Variants in ITPR2 observed in about 807,000 individuals in gnomAD.
The protein encoded by ITPR2 is inositol 1,4,5-trisphosphate receptor type 2, also known as inositol 1,4,5-trisphosphate-gated calcium channel ITPR2.
Under a neutral mutation model 317.1 loss-of-function variants are expected in ITPR2, and 207 were observed. That is an observed-to-expected ratio of 0.65 (90% CI 0.58 to 0.73). The LOEUF is 0.73. Among genes scored for constraint, ITPR2 ranks in the 30% least tolerant of loss-of-function variants. The probability of loss-of-function intolerance (pLI) is 0.00; values close to 1 mark genes in which losing one functional copy is unlikely to be tolerated. For synonymous variants in ITPR2, 1,156 were observed against 1,149.1 expected, an observed-to-expected ratio of 1.01 and a Z score of -0.12; for missense variants, 2,613 against 3,284.0, an observed-to-expected ratio of 0.80 and a Z score of 4.99.
chr12:26,715,190 A>G (rs1284346633), intron 8 of ITPR2, 109 bp downstream of exon 8: 2 of 1,029,756 alleles, frequency 1.9e-6, no homozygotes, highest in Non-Finnish European at 2.8e-6. Context: ...AAATTATTCT[A>G]TTTTATGATT....
chr12:26,639,405 G>T (rs1290723386), intron 21 of ITPR2, among the ~76,000 whole-genome samples: 2 of 152,078 alleles, frequency 1.3e-5, no homozygotes, highest in African/African-American at 4.8e-5. Flanking sequence ...AATGGGTGTT[G>T]CATGAAGATA....
chr12:26,516,250 A>AGGAAGGGAAAGGAAGGGAAG (rs1565574406), intron 37 of ITPR2, among the ~76,000 whole-genome samples: 2 of 34,666 alleles, frequency 5.8e-5, no homozygotes, highest in Admixed American at 2.9e-4. Flanking sequence ...AGGAAAGGAA[A>AGGAAGGGAAAGGAAGGGAAG]GGAAAGGAAA....
In ITPR2 at chr12:26,428,105, A is replaced by G; in HGVS notation, c.6770-17T>C. On this transcript the variant is annotated splice_polypyrimidine_tract_variant and intron_variant, in intron 48 of 56. Coordinates refer to ENST00000381340, the MANE Select transcript of ITPR2 (RefSeq NM_002223.4). The stretch of plus-strand genomic sequence containing the variant: ...AAAGTGTACCTGTAAAATGTGGAAG[A>G]AATTTATTGCTACTAAGAATAAAAC... 6.4e-7 allele frequency: 1 copy of G among 1,562,946 alleles called. No homozygotes were observed. Among genetic ancestry groups the G allele is most frequent in the Non-Finnish European group, 8.6e-7 (1 of 1,157,234 alleles).
intron 21 of ITPR2, among the ~76,000 whole-genome samples, chr12:26,639,220 A>G (rs371427989): frequency 9.2e-5 from 14 of 152,312 alleles, no homozygotes; most frequent in East Asian, 5.8e-4. Context: ...GTGCAGCTCA[A>G]CAAGCAACAG....
intron 28 of ITPR2, among the ~76,000 whole-genome samples, 172 bp downstream of exon 28, chr12:26,602,198 G>C (rs1369140424): frequency 2.0e-5 from 3 of 152,160 alleles, no homozygotes. Context: ...TGACATGGTA[G>C]TGTACCCTTG....
intron 3 of ITPR2, 62 bp downstream of exon 3, chr12:26,725,588 A>G: frequency 9.1e-7 from 1 of 1,097,638 alleles, no homozygotes. Context: ...AGCTCTAAAT[A>G]CATTTTTATT....
chr12:26,478,281 AG>A, intron 43 of ITPR2, among the ~76,000 whole-genome samples: 1 of 152,254 alleles, frequency 6.6e-6, no homozygotes, highest in Middle Eastern at 3.4e-3. Flanking sequence ...TTTGGAGGAA[AG>A]GGAGTATTAT....
chr12:26,604,516 C>G (rs1249038731), intron 26 of ITPR2, among the ~76,000 whole-genome samples: 1 of 152,188 alleles, frequency 6.6e-6, no homozygotes, highest in Non-Finnish European at 1.5e-5. Flanking sequence ...TCTTGTAAAA[C>G]AGCAGTTTCT....
intron 26 of ITPR2, among the ~76,000 whole-genome samples, chr12:26,611,148 T>C (rs773820794): frequency 6.6e-6 from 1 of 152,170 alleles, no homozygotes; most frequent in East Asian, 1.9e-4. Flanking sequence ...CCCATAGAAA[T>C]TGGACTGTCT....
At position 26,419,123 on chromosome 12, in the gene ITPR2, A is replaced by G; in HGVS notation, c.7036T>C (p.Phe2346Leu). Residue 2346 changes from phenylalanine to leucine, a missense_variant, in exon 50 of 57, where the codon TTT becomes CTT. Physicochemically the swap from Phe to Leu is conservative, Grantham distance 22. Around this residue, in one of 9 missense-constraint regions of ITPR2, gnomAD observed 78 missense variants for 110.3 expected, o/e 0.71. Coordinates refer to ENST00000381340, the MANE Select transcript of ITPR2 (RefSeq NM_002223.4). ...GYRAVILDMA[F>L]LYHVAYVLVC... ...AGGACATACGCCACGTGATAGAGAA[A>G]GGCCATATCCAGGATGACTGCTCGG... 1 of 1,613,884 alleles carries G rather than the reference A, an allele frequency of 6.2e-7. No homozygotes were observed. The highest frequency in any genetic ancestry group is 8.5e-7 in the Non-Finnish European group (1 of 1,179,860).
intron 37 of ITPR2, among the ~76,000 whole-genome samples, chr12:26,513,801 G>A (rs55647086): frequency 0.017 from 2,500 of 150,502 alleles, 65 homozygotes; most frequent in African/African-American, 0.058. Flanking sequence ...TTTTTCCCCC[G>A]CCGTGGTAGT....
At chr12:26,444,804 G>A (rs1461530546) in intron 45 of ITPR2, among the ~76,000 whole-genome samples, 2 of 152,030 alleles carry the variant, frequency 1.3e-5, no homozygotes, top group Non-Finnish European at 2.9e-5. Flanking sequence ...TGATAATTTG[G>A]TAAGTTAAAT....
At chr12:26,725,079 T>G (rs1948897773) in intron 3 of ITPR2, among the ~76,000 whole-genome samples, 1 of 152,166 alleles carries the variant, frequency 6.6e-6, no homozygotes, top group African/African-American at 2.4e-5. Context: ...CTTGGGCCAC[T>G]TTTATGTTGG....
chr12:26,403,020 G>C (rs778758690), intron 52 of ITPR2, among the ~76,000 whole-genome samples: 17 of 152,304 alleles, frequency 1.1e-4, no homozygotes, highest in Admixed American at 2.6e-4. Context: ...AGTATCACAG[G>C]ATGCTGCGGA....
At chr12:26,525,298 T>A (rs1193502323) in intron 37 of ITPR2, among the ~76,000 whole-genome samples, 1 of 152,204 alleles carries the variant, frequency 6.6e-6, no homozygotes, top group East Asian at 1.9e-4. Context: ...CTATAACAAC[T>A]TCCTTTGAAT....
At chr12:26,658,164 G>C in intron 16 of ITPR2, 34 bp from the exon 17 acceptor site, 3 of 1,436,328 alleles carry the variant, frequency 2.1e-6, no homozygotes, top group Non-Finnish European at 2.8e-6. Context: ...GGAATATGAA[G>C]ACAAAGCATT....
chr12:26,491,183 T>G (rs140775888), intron 39 of ITPR2, among the ~76,000 whole-genome samples: 1 of 151,960 alleles, frequency 6.6e-6, no homozygotes, highest in East Asian at 1.9e-4. Flanking sequence ...GAATAGCATG[T>G]TTTTGGAAAG....
chr12:26,475,436 G>C lies in ITPR2; in HGVS notation c.6220-18C>G, dbSNP rs1359585861. On this transcript the variant is annotated intron_variant, in intron 44 of 56. Coordinates refer to ENST00000381340, the MANE Select transcript of ITPR2 (RefSeq NM_002223.4). ...ACATCCACCTATCCAAAAAAAAAAAGAATATTGAAATGCCAGAAACAACAT... is the reference window on the plus strand; with the variant it reads ...ACATCCACCTATCCAAAAAAAAAAACAATATTGAAATGCCAGAAACAACAT... 1.3e-6 allele frequency: 2 copies of C among 1,583,084 alleles called. No homozygotes were observed. Among genetic ancestry groups the C allele is most frequent in the Non-Finnish European group, 1.7e-6 (2 of 1,164,520 alleles).
intron 4 of ITPR2, 146 bp downstream of exon 4, chr12:26,724,510 T>G: frequency 1.5e-6 from 1 of 649,070 alleles, no homozygotes; most frequent in Non-Finnish European, 2.8e-6. Context: ...ATCAAATGAA[T>G]ACATCACAAT....
Sources: gnomAD v4.1 joint callset for allele counts (sites outside exome capture counted in the v4.1 genomes callset) on GRCh38, gnomAD v4.1.1 for gene constraint, gnomAD v4.1.1 regional missense constraint, MANE v1.5 for transcripts, NCBI Gene and HGNC (gene_info 2026-07-23, HGNC 2026-07-21) for gene names.